Variants in CYYR1 observed in about 807,000 individuals in gnomAD.
The protein encoded by CYYR1 is cysteine and tyrosine rich 1.
Under a neutral mutation model 15.2 loss-of-function variants are expected in CYYR1, and 14 were observed. The ratio of observed to expected loss-of-function variants is 0.92; its 90% confidence interval spans 0.61 to 1.44. The LOEUF (loss-of-function observed/expected upper bound fraction) is 1.44, where lower values mean the gene tolerates loss of function less well. CYYR1 is among the 40% of genes most tolerant of loss of function. The pLI is 0.00. For missense variants in CYYR1, 228 were observed against 209.5 expected (o/e 1.09, Z -0.54); for synonymous variants, 80 against 77.4 (o/e 1.03, Z -0.18).
At chr21:26,530,432 G>GT (rs2065916848) in intron 2 of CYYR1, among the ~76,000 whole-genome samples, 1 of 151,922 alleles carries the variant, frequency 6.6e-6, no homozygotes, top group African/African-American at 2.4e-5. Context: ...GCCTTAAAAT[G>GT]TGAGTTTATT....
In CYYR1 at chr21:26,499,451, C is replaced by T. The variant is rs868773395; in HGVS notation, c.177-19022G>A. Among the ~76,000 whole-genome samples, 6 of 152,308 alleles carry T rather than the reference C, an allele frequency of 3.9e-5. No individual in the cohort carries two copies. In the South Asian group the frequency reaches 1.0e-3, roughly 26 times the overall value. ...CTGCTGACACACTGTTTTCAGACTTCTGGTCCCCAGAACGTCAAGAGAATA... is the reference window on the plus strand; with the variant it reads ...CTGCTGACACACTGTTTTCAGACTTTTGGTCCCCAGAACGTCAAGAGAATA... On this transcript the variant is annotated intron_variant, in intron 2 of 3. Coordinates refer to ENST00000652641, the MANE Select transcript of CYYR1 (RefSeq NM_001320768.2).
chr21:26,528,975 C>A (rs996096536), intron 2 of CYYR1, among the ~76,000 whole-genome samples: 2 of 152,172 alleles, frequency 1.3e-5, no homozygotes, highest in African/African-American at 2.4e-5. Context: ...ATGTTTCATG[C>A]AAACACAGTC....
At chr21:26,548,603 C>T (rs1289854214) in intron 2 of CYYR1, among the ~76,000 whole-genome samples, 1 of 152,228 alleles carries the variant, frequency 6.6e-6, no homozygotes, top group Non-Finnish European at 1.5e-5. Flanking sequence ...CCCACCTCAG[C>T]ATCCCAAAGT....
At chr21:26,514,160 T>C (rs931105262) in intron 2 of CYYR1, among the ~76,000 whole-genome samples, 15 of 152,106 alleles carry the variant, frequency 9.9e-5, no homozygotes, top group African/African-American at 3.6e-4. Context: ...CTCCAGAAAT[T>C]ACTCTTGCTT....
chr21:26,561,327 T>TA (rs199891565), intron 2 of CYYR1, among the ~76,000 whole-genome samples: 2 of 150,802 alleles, frequency 1.3e-5, no homozygotes, highest in Non-Finnish European at 3.0e-5. Flanking sequence ...TTTTTTTTTT[T>TA]ACTAATGCCA....
intron 2 of CYYR1, among the ~76,000 whole-genome samples, chr21:26,533,489 C>T (rs759434642): frequency 3.3e-5 from 5 of 152,030 alleles, no homozygotes; most frequent in Non-Finnish European, 2.9e-5. Context: ...AATGTCCCAG[C>T]TCAGATAGGG....
chr21:26,532,663 C>G (rs1384363098), intron 2 of CYYR1, among the ~76,000 whole-genome samples: 2 of 152,152 alleles, frequency 1.3e-5, no homozygotes, highest in African/African-American at 4.8e-5. Context: ...CTTAGCTACT[C>G]TGAACATGTT....
At chr21:26,483,383 T>G (rs2065209391) in intron 2 of CYYR1, 1 of 858,286 alleles carries the variant, frequency 1.2e-6, no homozygotes, top group Admixed American at 6.5e-5. Flanking sequence ...TTTCTTCAAA[T>G]GTCTGGTGAT....
chr21:26,550,384 C>G (rs889416927), intron 2 of CYYR1: 1 of 152,044 alleles, frequency 6.6e-6, no homozygotes, highest in African/African-American at 2.4e-5. Context: ...ACAATGGCCT[C>G]TAAGAGTTAA....
intron 2 of CYYR1, among the ~76,000 whole-genome samples, chr21:26,539,351 C>A (rs745339478): frequency 1.3e-5 from 2 of 152,050 alleles, no homozygotes; most frequent in Non-Finnish European, 2.9e-5. Context: ...GGAGGCTTTT[C>A]CTATAATCCC....
chr21:26,468,440 T>C lies in CYYR1; in HGVS notation c.*61A>G, dbSNP rs905444046. 1.5e-5 allele frequency: 16 copies of C among 1,069,896 alleles called. No individual in the cohort carries two copies. In the African/African-American group the frequency reaches 2.0e-4, roughly 13 times the overall value. 66.3% of individuals were successfully genotyped at this position (1,069,896 alleles called of 1,614,324 possible). On this transcript the variant is annotated 3_prime_UTR_variant, in exon 4 of 4. Transcript: ENST00000652641. ...CAATTCTTTCCTGCCTGTTTCTGAG[T>C]AGAGGCATTTTATTCCAGGCAAGAT...
At position 26,555,221 on chromosome 21, in the gene CYYR1, T is replaced by G. The variant is rs190845503; in HGVS notation, c.176+11045A>C. On this transcript the variant is annotated intron_variant, in intron 2 of 3. Transcript: ENST00000652641. ...GCCAAGAGGGTCTATTTACTTAATA[T>G]AAGAATGAATATTACTTGAGACTGC... Among the ~76,000 whole-genome samples the G allele has an allele frequency of 2.0e-5, 3 of 152,322 alleles. No homozygotes were observed. In the East Asian group the frequency reaches 5.8e-4, roughly 29 times the overall value.
intron 1 of CYYR1, 63 bp downstream of exon 1, chr21:26,572,805 C>T: frequency 6.3e-7 from 1 of 1,592,066 alleles, no homozygotes; most frequent in Non-Finnish European, 8.6e-7. Context: ...CCACGTTAGC[C>T]CGGACCGTGA....
intron 2 of CYYR1, among the ~76,000 whole-genome samples, chr21:26,527,010 A>T (rs1173659995): frequency 6.6e-6 from 1 of 152,206 alleles, no homozygotes; most frequent in Non-Finnish European, 1.5e-5. Flanking sequence ...ATGAATTAGA[A>T]AATAAAGTTG....
intron 2 of CYYR1, among the ~76,000 whole-genome samples, chr21:26,489,470 G>A (rs2065296327): frequency 6.6e-6 from 1 of 151,874 alleles, no homozygotes; most frequent in Admixed American, 6.6e-5. Context: ...TTTAATGAGA[G>A]TCGAATACAT....
At chr21:26,518,905 G>A (rs934046543) in intron 2 of CYYR1, among the ~76,000 whole-genome samples, 3 of 152,292 alleles carry the variant, frequency 2.0e-5, no homozygotes, top group South Asian at 2.1e-4. Flanking sequence ...ACTGGAATCC[G>A]TACAACTTTT....
At chr21:26,472,999 A>G (rs1240428908) in intron 3 of CYYR1, among the ~76,000 whole-genome samples, 1 of 152,120 alleles carries the variant, frequency 6.6e-6, no homozygotes, top group East Asian at 1.9e-4. Context: ...AGGCCGAATT[A>G]TCTAAATGTG....
intron 2 of CYYR1, among the ~76,000 whole-genome samples, chr21:26,494,455 T>A (rs2123453953): frequency 6.6e-6 from 1 of 152,340 alleles, no homozygotes; most frequent in East Asian, 1.9e-4. Context: ...GGAGATGTAA[T>A]AATTATCAAG....
chr21:26,504,327 G>A (rs547550389), intron 2 of CYYR1, among the ~76,000 whole-genome samples: 83 of 152,066 alleles, frequency 5.5e-4, no homozygotes, highest in African/African-American at 2.0e-3. Flanking sequence ...CTGGAGCGCA[G>A]TGGTGCCATC....
Sources: gnomAD v4.1 joint callset for allele counts (sites outside exome capture counted in the v4.1 genomes callset) on GRCh38, gnomAD v4.1.1 for gene constraint, MANE v1.5 for transcripts, NCBI Gene and HGNC (gene_info 2026-07-23, HGNC 2026-07-21) for gene names.